VEPH1: variants seen among roughly 807,000 people sequenced by gnomAD.
VEPH1 encodes ventricular zone expressed PH domain containing 1.
A neutral mutation model predicts 85.2 loss-of-function variants in VEPH1; 80 were observed. The observed-to-expected ratio is 0.94, with a 90% CI of 0.78 to 1.13. VEPH1 has a LOEUF of 1.13. Ranked by LOEUF, VEPH1 falls within the 50% of genes most tolerant of loss-of-function variation. The pLI is 0.00. For missense variants in VEPH1, 955 were observed against 980.5 expected, an observed-to-expected ratio of 0.97 and a Z score of 0.35; for synonymous variants, 297 against 348.0, an observed-to-expected ratio of 0.85 and a Z score of 1.63.
rs1735969472 is a variant in VEPH1, at chr3:157,462,447, A to G, written c.355-2092T>C. Among the ~76,000 whole-genome samples, 3 of 152,198 alleles carry G rather than the reference A, an allele frequency of 2.0e-5. No individual in the cohort carries two copies. In the South Asian group the frequency reaches 6.2e-4, roughly 32 times the overall value. ...TTAGGGTTCTACGAAGGACAACGAC[A>G]CACAGTGGTGGAGTCAATGCAGCCA... On this transcript the variant is annotated intron_variant, in intron 3 of 13. Transcript: ENST00000362010.
chr3:157,276,629 T>G (rs1052526116), intron 12 of VEPH1, among the ~76,000 whole-genome samples: 4 of 152,220 alleles, frequency 2.6e-5, no homozygotes, highest in African/African-American at 9.6e-5. Context: ...AGTATAAGCT[T>G]ACATTCATGT....
chr3:157,381,125 C>T (rs1287739398), intron 7 of VEPH1, 31 bp downstream of exon 7: 1 of 1,609,004 alleles, frequency 6.2e-7, no homozygotes, highest in East Asian at 2.2e-5. Context: ...TGCACAGCAG[C>T]TCCCTGAGGT....
chr3:157,416,383 G>A (rs1731911852), intron 5 of VEPH1, among the ~76,000 whole-genome samples: 1 of 152,096 alleles, frequency 6.6e-6, no homozygotes, highest in African/African-American at 2.4e-5. Context: ...GCTAGATTCT[G>A]GTAAATGGCA....
At chr3:157,389,382 G>A (rs1729618511) in intron 6 of VEPH1, among the ~76,000 whole-genome samples, 1 of 152,050 alleles carries the variant, frequency 6.6e-6, no homozygotes, top group Non-Finnish European at 1.5e-5. Flanking sequence ...CAATAAAGAG[G>A]CCATGAAAAG....
intron 9 of VEPH1, among the ~76,000 whole-genome samples, chr3:157,320,347 A>G (rs552162456): frequency 1.3e-5 from 2 of 152,258 alleles, no homozygotes; most frequent in South Asian, 4.1e-4. Context: ...GGAGAAGGAG[A>G]TATTTGAGGT....
chr3:157,290,240 C>T (rs574056518), intron 11 of VEPH1, among the ~76,000 whole-genome samples: 1 of 152,122 alleles, frequency 6.6e-6, no homozygotes, highest in African/African-American at 2.4e-5. Context: ...AGTCCTACAA[C>T]TGCAAAAAAA....
intron 5 of VEPH1, among the ~76,000 whole-genome samples, chr3:157,416,850 AAGAG>A (rs918417872): frequency 2.6e-4 from 39 of 150,784 alleles, no homozygotes; most frequent in African/African-American, 9.6e-4. Context: ...AAAGAAAAGA[AAGAG>A]AGAAAGAGAA....
intron 6 of VEPH1, among the ~76,000 whole-genome samples, chr3:157,402,067 T>C (rs1006319597): frequency 6.6e-6 from 1 of 152,194 alleles, no homozygotes; most frequent in African/African-American, 2.4e-5. Context: ...CATTTTTCAA[T>C]AGAAGAACAG....
Position 157,318,879 on chromosome 3 carries a change from C to A in VEPH1, c.1736-1678G>T, listed in dbSNP as rs546455922. Among the ~76,000 whole-genome samples the A allele has an allele frequency of 8.2e-4, 125 of 151,938 alleles. 1 individual carries two copies. Among genetic ancestry groups the A allele is most frequent in the Non-Finnish European group, 1.3e-3 (85 of 67,992 alleles). The stretch of plus-strand genomic sequence containing the variant: ...TGGGCAATATAGTGAGACCACGTCT[C>A]TAAAAGCAAACAAACAAAATAATAA... On this transcript the variant is annotated intron_variant, in intron 9 of 13. Transcript: ENST00000362010.
intron 9 of VEPH1, among the ~76,000 whole-genome samples, chr3:157,355,300 G>A (rs1725304256): frequency 6.6e-6 from 1 of 152,208 alleles, no homozygotes; most frequent in Non-Finnish European, 1.5e-5. Flanking sequence ...AGCGTGCCTG[G>A]TACTGCCAGG....
In VEPH1 at chr3:157,450,576, ATATATATATT is replaced by A. The variant is rs200548229; in HGVS notation, c.529+9595_529+9604del. On this transcript the variant is annotated intron_variant, in intron 4 of 13. Coordinates refer to ENST00000362010, the MANE Select transcript of VEPH1 (RefSeq NM_001167912.2). ...CCACTATATGTATATAGTGAAATAT[ATATATATATT>A]TATATATATAGTGCTCTATCATTAT... Among the ~76,000 whole-genome samples, 802 of 150,830 alleles carry A rather than the reference ATATATATATT, an allele frequency of 5.3e-3. 7 individuals carry two copies. The highest frequency in any genetic ancestry group is 0.018 in the African/African-American group (761 of 41,202).
chr3:157,305,082 A>G (rs1472958549), intron 11 of VEPH1, among the ~76,000 whole-genome samples: 1 of 111,166 alleles, frequency 9.0e-6, no homozygotes, highest in African/African-American at 3.6e-5. Flanking sequence ...CTATCTCTCT[A>G]TTTCATCTAT....
chr3:157,487,573 C>T (rs1245575492), intron 2 of VEPH1, among the ~76,000 whole-genome samples: 1 of 152,078 alleles, frequency 6.6e-6, no homozygotes, highest in East Asian at 1.9e-4. Context: ...TTTTATGAAA[C>T]TACTGTATAT....
intron 2 of VEPH1, among the ~76,000 whole-genome samples, chr3:157,477,275 A>C (rs1737570881): frequency 6.6e-6 from 1 of 151,686 alleles, no homozygotes; most frequent in South Asian, 2.1e-4. Context: ...TTTAAAGCAC[A>C]TCACTTCAAC....
At chr3:157,478,813 A>C (rs1032039710) in intron 2 of VEPH1, among the ~76,000 whole-genome samples, 1 of 152,224 alleles carries the variant, frequency 6.6e-6, no homozygotes, top group Non-Finnish European at 1.5e-5. Flanking sequence ...TAGATACATC[A>C]GTTATGAACT....
intron 6 of VEPH1, among the ~76,000 whole-genome samples, chr3:157,386,247 C>T (rs1302854530): frequency 4.7e-5 from 1 of 21,168 alleles, no homozygotes; most frequent in African/African-American, 2.9e-4. Flanking sequence ...AAAAATGGTT[C>T]CACAAAAAAA....
In VEPH1 at chr3:157,383,630, C is replaced by A. The variant is rs1212938007; in HGVS notation, c.907-2254G>T. On this transcript the variant is annotated intron_variant, in intron 6 of 13. Transcript: ENST00000362010. Reference sequence around the variant, plus strand: ...ATCTCTTGGGGTAAATGGGGTACTTCTGCCATCAATCCCTTATTTATTTTT... The same window carrying A: ...ATCTCTTGGGGTAAATGGGGTACTTATGCCATCAATCCCTTATTTATTTTT... Among the ~76,000 whole-genome samples the A allele has an allele frequency of 6.6e-5, 10 of 152,338 alleles. No individual in the cohort carries two copies. The East Asian group carries it at 1.9e-3, about 29-fold the overall frequency.
intron 2 of VEPH1, among the ~76,000 whole-genome samples, chr3:157,487,515 T>C (rs1577792270): frequency 6.6e-6 from 1 of 152,226 alleles, no homozygotes; most frequent in East Asian, 1.9e-4. Flanking sequence ...GGTCACAATA[T>C]TACAAAACTC....
chr3:157,403,373 G>T (rs547714474), intron 6 of VEPH1, among the ~76,000 whole-genome samples: 1 of 152,268 alleles, frequency 6.6e-6, no homozygotes, highest in African/African-American at 2.4e-5. Flanking sequence ...CAGGAGTGGG[G>T]ATGGAGTGAG....
Sources: gnomAD v4.1 joint callset for allele counts (sites outside exome capture counted in the v4.1 genomes callset) on GRCh38, gnomAD v4.1.1 for gene constraint, MANE v1.5 for transcripts, NCBI Gene and HGNC (gene_info 2026-07-23, HGNC 2026-07-21) for gene names.